The following CFAP47 variants were observed in gnomAD, a reference collection of about 807,000 sequenced individuals.
CFAP47 encodes the protein cilia and flagella associated protein 47.
Under a neutral mutation model 148.1 loss-of-function variants are expected in CFAP47, and 29 were observed. That is an observed-to-expected ratio of 0.20 (90% CI 0.15 to 0.27). The LOEUF (loss-of-function observed/expected upper bound fraction) is 0.27. Among genes scored for constraint, CFAP47 ranks in the 10% least tolerant of loss-of-function variants. The pLI is 1.00. For missense variants in CFAP47, 1,872 were observed against 1,697.5 expected (o/e 1.10, Z -1.81); for synonymous variants, 664 against 577.3 (o/e 1.15, Z -2.15).
In CFAP47 at chrX:36,071,879, A is replaced by T. The variant is rs144780406; in HGVS notation, c.4373A>T (p.Asp1458Val). The change falls in exon 28 of 64, where the codon GAT (aspartate) becomes GTT (valine). Residue 1458 changes from aspartate to valine, a missense_variant. By Grantham distance (152) the Asp-to-Val change is radical. Transcript: ENST00000378653. ...TRDGVLPPYQ[D>V]AKPPSPASIK... ...GATGGTGTTTTGCCTCCCTACCAGG[A>T]TGCTAAACCACCCTCTCCTGCTTCA... 1.2e-3 allele frequency: 1,408 copies of T among 1,200,522 alleles called. No homozygotes were observed. The highest frequency in any genetic ancestry group is 2.5e-3 in the Middle Eastern group (11 of 4,328).
chrX:36,309,762 A>G (rs1941378800), intron 55 of CFAP47, among the ~76,000 whole-genome samples: 1 of 111,459 alleles, frequency 9.0e-6, no homozygotes. Flanking sequence ...TAAATAATTT[A>G]CTTAAACCAC....
At chrX:36,365,287 C>A (rs1386491270) in intron 61 of CFAP47, among the ~76,000 whole-genome samples, 1 of 110,410 alleles carries the variant, frequency 9.1e-6, no homozygotes, top group African/African-American at 3.3e-5. Flanking sequence ...TGTTTCTATG[C>A]AACATACTTC....
At chrX:36,123,410 T>A (rs1938781700) in intron 33 of CFAP47, among the ~76,000 whole-genome samples, 1 of 112,055 alleles carries the variant, frequency 8.9e-6, no homozygotes, top group Non-Finnish European at 1.9e-5. Flanking sequence ...TGTCCAGGGG[T>A]GCTGTTCAAC....
intron 2 of CFAP47, among the ~76,000 whole-genome samples, chrX:35,937,597 T>C (rs886481497): frequency 4.3e-4 from 48 of 110,894 alleles, no homozygotes; most frequent in African/African-American, 1.6e-3. Flanking sequence ...ACCAGAAGTT[T>C]GTATTTGTTT....
At chrX:36,238,033 G>C (rs782549561) in intron 48 of CFAP47, among the ~76,000 whole-genome samples, 1 of 111,055 alleles carries the variant, frequency 9.0e-6, no homozygotes, top group Non-Finnish European at 1.9e-5. Flanking sequence ...TTTTTTTATA[G>C]GGATATCTGG....
At chrX:36,315,791 G>T (rs1295641378) in intron 56 of CFAP47, among the ~76,000 whole-genome samples, 4 of 111,256 alleles carry the variant, frequency 3.6e-5, no homozygotes, top group African/African-American at 1.3e-4. Flanking sequence ...TTCCCTAGCT[G>T]CCTTGAGCCT....
At chrX:36,149,498 T>C (rs1385741732) in intron 37 of CFAP47, among the ~76,000 whole-genome samples, 1 of 110,688 alleles carries the variant, frequency 9.0e-6, no homozygotes, top group Non-Finnish European at 1.9e-5. Context: ...AGTTGGTTTG[T>C]TGTGTACTGC....
intron 40 of CFAP47, 134 bp downstream of exon 40, chrX:36,179,556 A>T (rs971276352): frequency 3.1e-5 from 8 of 259,706 alleles, no homozygotes; most frequent in Admixed American, 1.3e-4. Context: ...ATTCACACTC[A>T]TATCCAAATA....
intron 56 of CFAP47, among the ~76,000 whole-genome samples, chrX:36,315,512 A>G (rs782806874): frequency 1.8e-5 from 2 of 112,604 alleles, no homozygotes; most frequent in Non-Finnish European, 3.8e-5. Context: ...CTGGGGACAC[A>G]TAATAGTTAT....
At chrX:36,284,655 C>T (rs1326219582) in intron 50 of CFAP47, among the ~76,000 whole-genome samples, 1 of 111,610 alleles carries the variant, frequency 9.0e-6, no homozygotes, top group African/African-American at 3.3e-5. Context: ...TCATGAAAAA[C>T]CTTTTCAGTA....
At chrX:36,306,928 T>A in intron 55 of CFAP47, 52 bp downstream of exon 55, 1 of 530,833 alleles carries the variant, frequency 1.9e-6, no homozygotes, top group Non-Finnish European at 2.8e-6. Context: ...TTTAAATCAA[T>A]ATATAAATAA....
chrX:35,985,175 G>A (rs189323208), intron 15 of CFAP47, among the ~76,000 whole-genome samples: 19 of 111,480 alleles, frequency 1.7e-4, no homozygotes, highest in African/African-American at 5.9e-4. Context: ...GCTGTGTGCT[G>A]TAACTCTGGG....
intron 61 of CFAP47, among the ~76,000 whole-genome samples, chrX:36,363,475 C>A (rs1433378388): frequency 1.8e-5 from 2 of 111,469 alleles, no homozygotes; most frequent in South Asian, 3.7e-4. Flanking sequence ...GTATTATAAT[C>A]ATATGGAACA....
intron 22 of CFAP47, among the ~76,000 whole-genome samples, chrX:36,019,439 C>T (rs1937134064): frequency 1.8e-5 from 2 of 111,357 alleles, no homozygotes; most frequent in Admixed American, 9.6e-5. Flanking sequence ...TAGTCTTAGG[C>T]GCATATAAGT....
chrX:36,233,929 T>C (rs1309185681), intron 46 of CFAP47, among the ~76,000 whole-genome samples: 1 of 111,638 alleles, frequency 9.0e-6, no homozygotes, highest in African/African-American at 3.3e-5. Context: ...TCTTTAAGAA[T>C]GTTGAATATT....
At chrX:36,371,891 TAC>T (rs1213558823) in intron 62 of CFAP47, among the ~76,000 whole-genome samples, 1 of 85,327 alleles carries the variant, frequency 1.2e-5, no homozygotes, top group East Asian at 4.3e-4. Context: ...TGTGTGCATA[TAC>T]ACACATGTGT....
At chrX:36,372,200 T>G (rs898125519) in intron 62 of CFAP47, among the ~76,000 whole-genome samples, 27 of 105,147 alleles carry the variant, frequency 2.6e-4, no homozygotes, top group Non-Finnish European at 5.9e-5. Context: ...GCTACTTTCT[T>G]TAAAAAAAAT....
intron 58 of CFAP47, among the ~76,000 whole-genome samples, chrX:36,348,907 T>G (rs1283392259): frequency 8.9e-6 from 1 of 111,776 alleles, no homozygotes; most frequent in Non-Finnish European, 1.9e-5. Context: ...AAAAATAAAT[T>G]TTTACTTTGT....
At chrX:36,337,223 A>T (rs1799304059) in intron 57 of CFAP47, among the ~76,000 whole-genome samples, 2 of 112,533 alleles carry the variant, frequency 1.8e-5, no homozygotes, top group South Asian at 7.3e-4. Flanking sequence ...CCACCAGAAT[A>T]TTTCTGTGAA....
Sources: allele counts gnomAD v4.1 joint callset (sites outside exome capture counted in the v4.1 genomes callset), GRCh38; gene constraint gnomAD v4.1.1; transcripts MANE v1.5; gene names NCBI Gene and HGNC (gene_info 2026-07-23, HGNC 2026-07-21).